PDZRN4: variants seen among roughly 807,000 people sequenced by gnomAD.
The protein encoded by PDZRN4 is PDZ domain-containing RING finger protein 4.
PDZRN4 carries 70 observed loss-of-function variants against 99.0 expected under a neutral mutation model. That is an observed-to-expected ratio of 0.71 (90% confidence interval 0.58 to 0.86). The LOEUF is 0.86. Among genes scored for constraint, PDZRN4 ranks in the 40% least tolerant of loss-of-function variants. PDZRN4 has a pLI of 0.00. For missense variants in PDZRN4, 1,474 were observed against 1,331.2 expected (o/e 1.11, Z -1.67); for synonymous variants, 551 against 501.6 (o/e 1.10, Z -1.32).
intron 3 of PDZRN4, among the ~76,000 whole-genome samples, chr12:41,470,699 T>C (rs748056220): frequency 1.2e-4 from 19 of 152,158 alleles, no homozygotes; most frequent in Non-Finnish European, 2.6e-4. Flanking sequence ...CCCCTTCCTG[T>C]GTCCATGTGT....
At chr12:41,396,207 C>T (rs912022574) in intron 3 of PDZRN4, among the ~76,000 whole-genome samples, 15 of 152,062 alleles carry the variant, frequency 9.9e-5, no homozygotes, top group Admixed American at 9.8e-4. Flanking sequence ...ACGTTTTCTG[C>T]CACTTCATAA....
At chr12:41,447,071 G>A (rs1226867533) in intron 3 of PDZRN4, among the ~76,000 whole-genome samples, 2 of 151,970 alleles carry the variant, frequency 1.3e-5, no homozygotes, top group East Asian at 1.9e-4. Flanking sequence ...GCTTAGTGCC[G>A]TCATCCCCAT....
intron 3 of PDZRN4, among the ~76,000 whole-genome samples, chr12:41,349,732 G>A (rs1592022891): frequency 6.6e-6 from 1 of 151,812 alleles, no homozygotes; most frequent in African/African-American, 2.4e-5. Context: ...CTTGGGAGGA[G>A]ACTTATTGTA....
intron 3 of PDZRN4, among the ~76,000 whole-genome samples, chr12:41,243,255 T>A (rs2897229): frequency 0.24 from 36,785 of 152,172 alleles, 5,167 homozygotes; most frequent in Non-Finnish European, 0.32. Flanking sequence ...CAGACTTCTC[T>A]AAGTAACATT....
At chr12:41,235,937 T>C (rs1381201073) in intron 3 of PDZRN4, among the ~76,000 whole-genome samples, 2 of 152,182 alleles carry the variant, frequency 1.3e-5, no homozygotes, top group African/African-American at 2.4e-5. Context: ...AAAGTTAAAT[T>C]AAAGCTAAAG....
At chr12:41,236,694 GT>G (rs367886643) in intron 3 of PDZRN4, among the ~76,000 whole-genome samples, 24 of 152,098 alleles carry the variant, frequency 1.6e-4, no homozygotes, top group African/African-American at 5.5e-4. Flanking sequence ...TCTGGGGATT[GT>G]TTTTTTGTTT....
chr12:41,216,694 G>T (rs1950923166), intron 3 of PDZRN4, among the ~76,000 whole-genome samples: 3 of 151,774 alleles, frequency 2.0e-5, no homozygotes, highest in Non-Finnish European at 4.4e-5. Flanking sequence ...CTGTTTATTT[G>T]ATCTGCTCTG....
At chr12:41,263,523 C>G (rs1951257247) in intron 3 of PDZRN4, among the ~76,000 whole-genome samples, 1 of 152,130 alleles carries the variant, frequency 6.6e-6, no homozygotes, top group African/African-American at 2.4e-5. Context: ...CCTGTCTCCA[C>G]TAAAAATACA....
At chr12:41,511,788 G>A (rs1938308702) in intron 5 of PDZRN4, among the ~76,000 whole-genome samples, 1 of 152,148 alleles carries the variant, frequency 6.6e-6, no homozygotes, top group South Asian at 2.1e-4. Flanking sequence ...GCAAAATCTA[G>A]TCAGTCCACT....
At chr12:41,233,169 CA>C (rs1430723452) in intron 3 of PDZRN4, among the ~76,000 whole-genome samples, 1 of 151,882 alleles carries the variant, frequency 6.6e-6, no homozygotes, top group African/African-American at 2.4e-5. Context: ...TTTATGCAGC[CA>C]AAAAACACAT....
intron 3 of PDZRN4, among the ~76,000 whole-genome samples, chr12:41,264,805 A>G (rs1566406375): frequency 6.6e-6 from 1 of 152,214 alleles, no homozygotes; most frequent in Admixed American, 6.5e-5. Context: ...CATTTGAAGC[A>G]ACCTGGATGC....
At chr12:41,205,043 G>A (rs79795676) in intron 3 of PDZRN4, among the ~76,000 whole-genome samples, 4,377 of 151,672 alleles carry the variant, frequency 0.029, 163 homozygotes, top group East Asian at 0.17. Flanking sequence ...ATGATTCATA[G>A]ACTATAAGAT....
At chr12:41,263,450 G>C (rs990914246) in intron 3 of PDZRN4, among the ~76,000 whole-genome samples, 2 of 152,142 alleles carry the variant, frequency 1.3e-5, no homozygotes, top group African/African-American at 4.8e-5. Flanking sequence ...ACTTTGGGTG[G>C]CCAAGGCGGG....
At chr12:41,339,298 C>A (rs925610508) in intron 3 of PDZRN4, among the ~76,000 whole-genome samples, 1 of 151,980 alleles carries the variant, frequency 6.6e-6, no homozygotes, top group Non-Finnish European at 1.5e-5. Flanking sequence ...TCAGTTTTGA[C>A]GAAGTTGCCA....
In PDZRN4 at chr12:41,347,038, TTATC is replaced by T. The variant is rs1951859104; in HGVS notation, c.843+152855_843+152858del. On this transcript the variant is annotated intron_variant, in intron 3 of 9. Coordinates refer to ENST00000402685, the MANE Select transcript of PDZRN4 (RefSeq NM_001164595.2). ...ATTGCATGGATAAATCATATTTAGTTTATCTATCAGTTGATAGACATTTCCAGTT... is the reference window on the plus strand; with the variant it reads ...ATTGCATGGATAAATCATATTTAGTTTATCAGTTGATAGACATTTCCAGTT... Among the ~76,000 whole-genome samples, 3 of 152,338 alleles carry T rather than the reference TTATC, an allele frequency of 2.0e-5. No individual in the cohort carries two copies. In the South Asian group the frequency reaches 6.2e-4, roughly 32 times the overall value.
At chr12:41,250,098 C>G (rs756758588) in intron 3 of PDZRN4, among the ~76,000 whole-genome samples, 1 of 152,128 alleles carries the variant, frequency 6.6e-6, no homozygotes, top group Non-Finnish European at 1.5e-5. Flanking sequence ...TACTTGTTTG[C>G]TCTTGACTTA....
chr12:41,420,834 A>G (rs1337676906), intron 3 of PDZRN4, among the ~76,000 whole-genome samples: 1 of 152,128 alleles, frequency 6.6e-6, no homozygotes, highest in Non-Finnish European at 1.5e-5. Context: ...CCATATTATT[A>G]TCTTTGACAT....
chr12:41,244,893 T>TGTTA (rs1439793832), intron 3 of PDZRN4, among the ~76,000 whole-genome samples: 3 of 140,504 alleles, frequency 2.1e-5, no homozygotes, highest in Non-Finnish European at 1.5e-5. Context: ...GGTTTCACCT[T>TGTTA]GTTAGCCAGG....
chr12:41,353,729 T>TAAATGG (rs1030816567), intron 3 of PDZRN4, among the ~76,000 whole-genome samples: 1 of 152,098 alleles, frequency 6.6e-6, no homozygotes. Context: ...GTCCATTTTC[T>TAAATGG]AAATCAATTC....
Sources: allele counts gnomAD v4.1 joint callset (sites outside exome capture counted in the v4.1 genomes callset), GRCh38; gene constraint gnomAD v4.1.1; transcripts MANE v1.5; gene names NCBI Gene and HGNC (gene_info 2026-07-23, HGNC 2026-07-21).